The following RYR2 variants were observed in gnomAD, a reference collection of about 807,000 sequenced individuals.
RYR2 encodes ryanodine receptor 2.
Under a neutral mutation model 601.1 loss-of-function variants are expected in RYR2, and 227 were observed. That is an observed-to-expected ratio of 0.38 (90% confidence interval 0.34 to 0.42). RYR2 has a LOEUF of 0.42. Among genes scored for constraint, RYR2 ranks in the 10% least tolerant of loss-of-function variants. The probability of loss-of-function intolerance (pLI) is 1.00; values close to 1 mark genes in which losing one functional copy is unlikely to be tolerated. For synonymous variants in RYR2, 2,223 were observed against 2,175.1 expected, an observed-to-expected ratio of 1.02 and a Z score of -0.61; for missense variants, 4,646 against 6,156.5, an observed-to-expected ratio of 0.75 and a Z score of 8.21.
intron 17 of RYR2, among the ~76,000 whole-genome samples, chr1:237,476,595 A>G (rs1485378492): frequency 6.6e-6 from 1 of 151,326 alleles, no homozygotes; most frequent in Non-Finnish European, 1.5e-5. Flanking sequence ...CATGTACAGA[A>G]CAACTTGTGG....
intron 1 of RYR2, among the ~76,000 whole-genome samples, chr1:237,126,648 C>T (rs1671464339): frequency 6.6e-6 from 1 of 152,174 alleles, no homozygotes; most frequent in South Asian, 2.1e-4. Flanking sequence ...TTCCCTTCAT[C>T]CTTCCTAGGT....
At chr1:237,670,159 C>T (rs903771373) in intron 58 of RYR2, among the ~76,000 whole-genome samples, 95 of 151,794 alleles carry the variant, frequency 6.3e-4, no homozygotes, top group Non-Finnish European at 1.1e-3. Flanking sequence ...CGTGGCGGCG[C>T]GCGCCTGCAA....
At chr1:237,337,860 C>T (rs753418858) in intron 3 of RYR2, among the ~76,000 whole-genome samples, 2 of 152,174 alleles carry the variant, frequency 1.3e-5, no homozygotes, top group African/African-American at 2.4e-5. Context: ...TACAAGTTAC[C>T]GCTAAGTTGG....
chr1:237,773,523 T>C lies in RYR2; in HGVS notation c.11650T>C (p.Ser3884Pro). The C allele has an allele frequency of 6.3e-7, 1 of 1,580,814 alleles. No individual in the cohort carries two copies. The highest frequency in any genetic ancestry group is 8.7e-7 in the Non-Finnish European group (1 of 1,150,538). Residue 3884 changes from serine (S) to proline (P), a missense_variant, in exon 87 of 105, where the codon TCA becomes CCA. By Grantham distance (74) the Ser-to-Pro change is moderately conservative. Around this residue, in one of 17 missense-constraint regions of RYR2, gnomAD observed 90 missense variants for 213.3 expected, o/e 0.42. Transcript: ENST00000366574. ...TVDYLLRVQE[S>P]ISDFYWYYSG... ...TAATATCATCTCTATTTCCCAGGAATCAATTAGTGACTTTTATTGGTATTA... is the reference window on the plus strand; with the variant it reads ...TAATATCATCTCTATTTCCCAGGAACCAATTAGTGACTTTTATTGGTATTA...
At chr1:237,476,242 G>T (rs1428960031) in intron 17 of RYR2, among the ~76,000 whole-genome samples, 1 of 152,158 alleles carries the variant, frequency 6.6e-6, no homozygotes, top group South Asian at 2.1e-4. Context: ...GGTCGTGGTG[G>T]CTCATGCCTG....
At chr1:237,490,269 A>G (rs954663091) in intron 17 of RYR2, among the ~76,000 whole-genome samples, 3 of 152,210 alleles carry the variant, frequency 2.0e-5, no homozygotes, top group Non-Finnish European at 4.4e-5. Flanking sequence ...TTGTACTGCA[A>G]ACCTCAGCAT....
At chr1:237,639,665 T>C (rs905722680) in intron 46 of RYR2, among the ~76,000 whole-genome samples, 1 of 152,132 alleles carries the variant, frequency 6.6e-6, no homozygotes, top group Non-Finnish European at 1.5e-5. Context: ...GATGCTTTGT[T>C]GAGGTACAGA....
intron 1 of RYR2, among the ~76,000 whole-genome samples, chr1:237,058,732 C>T (rs1414947144): frequency 4.0e-5 from 6 of 151,186 alleles, no homozygotes; most frequent in African/African-American, 1.5e-4. Flanking sequence ...GCCTTCCTTC[C>T]TCCCCGGAGA....
chr1:237,185,579 A>G (rs758271533), intron 1 of RYR2, among the ~76,000 whole-genome samples: 28 of 152,042 alleles, frequency 1.8e-4, no homozygotes, highest in African/African-American at 6.3e-4. Context: ...GTGTCAGTCA[A>G]ATAACAAACC....
chr1:237,410,949 A>C (rs1213480756), intron 10 of RYR2, among the ~76,000 whole-genome samples: 1 of 152,352 alleles, frequency 6.6e-6, no homozygotes, highest in Non-Finnish European at 1.5e-5. Context: ...ATTGCGATGC[A>C]TACACAATAG....
At chr1:237,517,402 G>A (rs1044959478) in intron 24 of RYR2, among the ~76,000 whole-genome samples, 1 of 152,098 alleles carries the variant, frequency 6.6e-6, no homozygotes, top group African/African-American at 2.4e-5. Flanking sequence ...TAGACCAGGG[G>A]TGTCCAATCT....
intron 1 of RYR2, among the ~76,000 whole-genome samples, chr1:237,162,567 A>G (rs1321414110): frequency 6.6e-6 from 1 of 152,110 alleles, no homozygotes; most frequent in Non-Finnish European, 1.5e-5. Flanking sequence ...CTTTCAGCTA[A>G]TGTTCATTCT....
intron 11 of RYR2, among the ~76,000 whole-genome samples, chr1:237,419,227 C>G (rs1381626391): frequency 1.3e-5 from 2 of 151,924 alleles, no homozygotes; most frequent in Non-Finnish European, 2.9e-5. Flanking sequence ...CATACCTATA[C>G]TTCATGATTG....
intron 1 of RYR2, among the ~76,000 whole-genome samples, chr1:237,093,307 A>G (rs1667166034): frequency 6.6e-6 from 1 of 152,170 alleles, no homozygotes; most frequent in African/African-American, 2.4e-5. Context: ...TCAGAAGCCC[A>G]TAGTGATGGT....
At chr1:237,814,971 T>C (rs997199298) in intron 100 of RYR2, among the ~76,000 whole-genome samples, 2 of 132,144 alleles carry the variant, frequency 1.5e-5, no homozygotes, top group African/African-American at 2.9e-5. Flanking sequence ...TTTTCTTTTT[T>C]TTTTTTTTTT....
intron 1 of RYR2, among the ~76,000 whole-genome samples, chr1:237,207,007 G>A (rs551029071): frequency 1.3e-4 from 20 of 152,244 alleles, no homozygotes; most frequent in Non-Finnish European, 2.4e-4. Flanking sequence ...TGGTTTGAAT[G>A]TGTTTCCTCT....
rs1193312800 is a variant in RYR2 at position 237,403,569 on chromosome 1, G to A, written c.774-13480G>A. Among the ~76,000 whole-genome samples, 2 of 152,090 alleles carry A rather than the reference G, an allele frequency of 1.3e-5. 1 individual carries two copies. The highest frequency in any genetic ancestry group is 3.9e-4 in the East Asian group (2 of 5,186). On this transcript the variant is annotated intron_variant, in intron 10 of 104. Coordinates refer to ENST00000366574, the MANE Select transcript of RYR2 (RefSeq NM_001035.3). The stretch of plus-strand genomic sequence containing the variant: ...GTCTCCTGAGTAGCTAGGACTATAT[G>A]CGTGTGCCACCATGCCTGGCTAATG...
intron 1 of RYR2, among the ~76,000 whole-genome samples, chr1:237,150,464 G>A (rs1366520617): frequency 2.0e-5 from 3 of 152,104 alleles, no homozygotes; most frequent in Admixed American, 2.0e-4. Flanking sequence ...TGTATCCCCG[G>A]TGCTTAACCT....
chr1:237,354,405 G>A (rs1284819657), intron 3 of RYR2, among the ~76,000 whole-genome samples: 1 of 151,798 alleles, frequency 6.6e-6, no homozygotes, highest in Non-Finnish European at 1.5e-5. Context: ...CCTGATAATG[G>A]CAAAATACAA....
Sources: gnomAD v4.1 joint callset for allele counts (sites outside exome capture counted in the v4.1 genomes callset) on GRCh38, gnomAD v4.1.1 for gene constraint, gnomAD v4.1.1 regional missense constraint, MANE v1.5 for transcripts, NCBI Gene and HGNC (gene_info 2026-07-23, HGNC 2026-07-21) for gene names.